Variants in LY96 observed in about 807,000 individuals in gnomAD.
LY96 encodes myeloid differentiation protein-2.
A neutral mutation model predicts 18.9 loss-of-function variants in LY96; 18 were observed. The observed-to-expected ratio is 0.95, with a 90% CI of 0.66 to 1.41. LY96 has a LOEUF of 1.41. LY96 is among the 40% of genes most tolerant of loss of function. The probability of loss-of-function intolerance (pLI) is 0.00; values close to 1 mark genes in which losing one functional copy is unlikely to be tolerated. For missense variants in LY96, 175 were observed against 182.4 expected, an observed-to-expected ratio of 0.96 and a Z score of 0.23; for synonymous variants, 66 against 62.6, an observed-to-expected ratio of 1.06 and a Z score of -0.26.
chr8:74,054,669 T>C, the LY96 span, among the ~76,000 whole-genome samples: 1 of 144,642 alleles, frequency 6.9e-6, no homozygotes, highest in Non-Finnish European at 1.5e-5. Context: ...TCTTTCTTTC[T>C]TTCTTTTTAT....
intron 2 of LY96, among the ~76,000 whole-genome samples, chr8:74,008,403 T>C (rs1816459944): frequency 6.6e-6 from 1 of 152,302 alleles, no homozygotes. Context: ...GCACTGCTTT[T>C]GGAGAAGTTC....
the LY96 span, among the ~76,000 whole-genome samples, chr8:74,072,541 T>C: frequency 1.3e-5 from 2 of 152,232 alleles, no homozygotes; most frequent in African/African-American, 4.8e-5. Context: ...TGATAATGTT[T>C]TGTGTACCTT....
chr8:74,004,297 C>T (rs1465255784), intron 1 of LY96, among the ~76,000 whole-genome samples: 1 of 152,186 alleles, frequency 6.6e-6, no homozygotes, highest in African/African-American at 2.4e-5. Flanking sequence ...CCAGACTCAT[C>T]AGAGCTCCAA....
downstream of LY96, among the ~76,000 whole-genome samples, chr8:74,032,525 G>A (rs1015992186): frequency 6.6e-6 from 1 of 152,100 alleles, no homozygotes; most frequent in African/African-American, 2.4e-5. Flanking sequence ...AATCGATCAC[G>A]ACCCTCTTAC....
the LY96 span, among the ~76,000 whole-genome samples, chr8:74,091,852 C>A: frequency 6.6e-6 from 1 of 152,162 alleles, no homozygotes; most frequent in African/African-American, 2.4e-5. Flanking sequence ...TGCCCTTCCT[C>A]CCTCAAGCCT....
In LY96 at chr8:74,002,089, TTCTTTCTCTCTCTC is replaced by T. The variant is rs1430212876; in HGVS notation, c.113-2703_113-2690del. 2.4e-3 allele frequency among the ~76,000 whole-genome samples: 59 copies of T among 25,066 alleles called. 10 individuals are homozygous for T. In the East Asian group the frequency reaches 0.026, roughly 11 times the overall value. The allele number at this position is 25,066 out of a possible 152,430, so 16.4% of individuals were successfully genotyped here. ...TTCCTTCCTTCCTTTCTTTCTTTCT[TTCTTTCTCTCTCTC>T]TCTCTCTCTCTCTCTCTCTCTCTCT... On this transcript the variant is annotated intron_variant, in intron 1 of 4. Transcript: ENST00000284818.
the LY96 span, among the ~76,000 whole-genome samples, chr8:74,038,001 A>T: frequency 9.2e-5 from 14 of 152,182 alleles, no homozygotes; most frequent in Non-Finnish European, 1.9e-4. Flanking sequence ...TTTTAAAAAA[A>T]ATTTTTAATT....
intron 1 of LY96, among the ~76,000 whole-genome samples, chr8:73,995,227 C>A (rs1050651316): frequency 1.3e-5 from 2 of 152,178 alleles, no homozygotes; most frequent in Non-Finnish European, 2.9e-5. Context: ...ATGGAACTTA[C>A]CAGCCTCCGG....
the LY96 span, among the ~76,000 whole-genome samples, chr8:74,096,146 A>C: frequency 6.6e-6 from 1 of 152,088 alleles, no homozygotes; most frequent in African/African-American, 2.4e-5. Context: ...CACTGCAACC[A>C]CTTTGGTCTG....
At chr8:74,017,318 A>T (rs1816665111) in intron 3 of LY96, among the ~76,000 whole-genome samples, 1 of 152,240 alleles carries the variant, frequency 6.6e-6, no homozygotes. Flanking sequence ...TGAAGATCAA[A>T]TTAGTGAAAT....
At chr8:74,021,803 G>C (rs971407090) in intron 3 of LY96, among the ~76,000 whole-genome samples, 4 of 152,016 alleles carry the variant, frequency 2.6e-5, no homozygotes, top group African/African-American at 9.7e-5. Context: ...CCATCATTCT[G>C]AGCAAACTAT....
chr8:74,016,419 C>T (rs960769840), intron 3 of LY96, among the ~76,000 whole-genome samples: 12 of 152,206 alleles, frequency 7.9e-5, no homozygotes, highest in Non-Finnish European at 1.5e-4. Context: ...CTGTAGACTC[C>T]ACCTCTGGGG....
rs1332292350 is a variant in LY96 at position 74,007,538 on chromosome 8, A to G, written c.203-2463A>G. ...TATGGCCTCATTTCTACTTGAATTC[A>G]GGAAGAGATACAAGTACAAACTTGA... On this transcript the variant is annotated intron_variant, in intron 2 of 4. Transcript: ENST00000284818. Among the ~76,000 whole-genome samples, 4 of 152,312 alleles carry G rather than the reference A, an allele frequency of 2.6e-5. No individual in the cohort carries two copies. In the East Asian group the frequency reaches 7.7e-4, roughly 29 times the overall value.
chr8:74,040,376 G>A, the LY96 span, among the ~76,000 whole-genome samples: 1 of 152,186 alleles, frequency 6.6e-6, no homozygotes, highest in African/African-American at 2.4e-5. Context: ...TTGGTTGCTT[G>A]TGCTTGTGGG....
the LY96 span, among the ~76,000 whole-genome samples, chr8:74,093,239 C>T: frequency 6.6e-6 from 1 of 152,180 alleles, no homozygotes; most frequent in African/African-American, 2.4e-5. Context: ...CAAAATGAAT[C>T]ACACTGCCTT....
intron 1 of LY96, among the ~76,000 whole-genome samples, chr8:74,000,525 TC>T (rs1816240155): frequency 6.6e-6 from 1 of 152,192 alleles, no homozygotes; most frequent in African/African-American, 2.4e-5. Context: ...CTTCCCTTCT[TC>T]TGAGCCCGCA....
chr8:74,037,654 T>G, the LY96 span, among the ~76,000 whole-genome samples: 3 of 152,032 alleles, frequency 2.0e-5, no homozygotes, highest in Non-Finnish European at 4.4e-5. Context: ...TTAAAATAAT[T>G]TTTAAAAATT....
the LY96 span, among the ~76,000 whole-genome samples, chr8:74,037,031 GA>G: frequency 1.3e-5 from 2 of 152,176 alleles, no homozygotes; most frequent in Non-Finnish European, 2.9e-5. Context: ...CAGAACTGTG[GA>G]ATGGGTTATC....
At chr8:74,045,913 T>C in the LY96 span, among the ~76,000 whole-genome samples, 1 of 152,080 alleles carries the variant, frequency 6.6e-6, no homozygotes, top group Non-Finnish European at 1.5e-5. Flanking sequence ...ACCTAGTCTA[T>C]AGTGGTCAGC....
Sources: gnomAD v4.1 joint callset for allele counts (sites outside exome capture counted in the v4.1 genomes callset) on GRCh38, gnomAD v4.1.1 for gene constraint, MANE v1.5 for transcripts, NCBI Gene and HGNC (gene_info 2026-07-23, HGNC 2026-07-21) for gene names.